Variants in CHRM3 observed in about 807,000 individuals in gnomAD.
The protein encoded by CHRM3 is cholinergic receptor muscarinic 3.
Under a neutral mutation model 41.8 loss-of-function variants are expected in CHRM3, and 11 were observed. That is an observed-to-expected ratio of 0.26 (90% CI 0.17 to 0.44). The LOEUF is 0.44. Among genes scored for constraint, CHRM3 ranks in the 20% least tolerant of loss-of-function variants. The probability of loss-of-function intolerance (pLI) is 1.00; values close to 1 mark genes in which losing one functional copy is unlikely to be tolerated. For missense variants in CHRM3, 571 were observed against 745.4 expected, an observed-to-expected ratio of 0.77 and a Z score of 2.72; for synonymous variants, 297 against 301.4, an observed-to-expected ratio of 0.99 and a Z score of 0.15.
chr1:239,864,585 T>G (rs2149288239), intron 6 of CHRM3, among the ~76,000 whole-genome samples: 1 of 152,082 alleles, frequency 6.6e-6, no homozygotes, highest in Non-Finnish European at 1.5e-5. Context: ...TATATATGTA[T>G]GTATAGAAAT....
At chr1:239,829,019 C>G (rs1672692729) in intron 6 of CHRM3, among the ~76,000 whole-genome samples, 1 of 152,206 alleles carries the variant, frequency 6.6e-6, no homozygotes, top group Non-Finnish European at 1.5e-5. Context: ...CCTGCTGCAG[C>G]AGGTGTGCAG....
chr1:239,908,549 C>A lies in CHRM3; in HGVS notation c.1098C>A (p.Ser366=). Residue 366 remains serine (S), a synonymous_variant, in exon 7 of 7, where the codon TCC becomes TCA. Transcript: ENST00000676153. The surrounding 1 kb of genome is among the most constrained non-coding windows in gnomAD (Gnocchi z 7.2). ...DIGSETRAIY[S]IVLKLPGHST... is the part of the protein sequence containing the mutation. ...GCTCCGAGACGAGAGCCATCTACTC[C>A]ATCGTGCTCAAGCTTCCGGGTCACA... 6.3e-7 allele frequency: 1 copy of A among 1,587,712 alleles called. No homozygotes were observed. The highest frequency in any genetic ancestry group is 8.6e-7 in the Non-Finnish European group (1 of 1,167,130).
chr1:239,832,167 G>T (rs1312913838), intron 6 of CHRM3, among the ~76,000 whole-genome samples: 2 of 152,136 alleles, frequency 1.3e-5, no homozygotes, highest in Non-Finnish European at 2.9e-5. Flanking sequence ...TCCATTGTAC[G>T]GGTGGCACCT....
At chr1:239,501,724 G>A (rs923950692) in intron 2 of CHRM3, among the ~76,000 whole-genome samples, 1 of 152,064 alleles carries the variant, frequency 6.6e-6, no homozygotes, top group Non-Finnish European at 1.5e-5. Flanking sequence ...TGGGTGTGGT[G>A]GTGGGTGCCT....
At chr1:239,820,963 C>A (rs1289722259) in intron 5 of CHRM3, among the ~76,000 whole-genome samples, 8 of 152,076 alleles carry the variant, frequency 5.3e-5, no homozygotes, top group Non-Finnish European at 1.0e-4. Flanking sequence ...AGTGAAATTT[C>A]TTTTTCTTCT....
At position 239,532,009 on chromosome 1, in the gene CHRM3, C is replaced by CTTTT. The variant is rs34798101; in HGVS notation, c.-421-13614_-421-13611dup. On this transcript the variant is annotated intron_variant, in intron 2 of 6. Coordinates refer to ENST00000676153, the MANE Select transcript of CHRM3 (RefSeq NM_001375978.1). ...TATTTCTTTTTTCTTTTCCTTCTTTCTTTTTTTTTTTTTTTTTTTTTGAGA... is the reference window on the plus strand; with the variant it reads ...TATTTCTTTTTTCTTTTCCTTCTTTCTTTTTTTTTTTTTTTTTTTTTTTTTGAGA... Among the ~76,000 whole-genome samples, 562 of 76,288 alleles carry CTTTT rather than the reference C, an allele frequency of 7.4e-3. 1 individual carries two copies. Among genetic ancestry groups the CTTTT allele is most frequent in the East Asian group, 0.012 (29 of 2,378 alleles). 50.0% of individuals were successfully genotyped at this position (76,288 alleles called of 152,430 possible).
rs555643637 is a variant in CHRM3, at chr1:239,618,599, C to T, written c.-312-13625C>T. ...GTGGCTCACGCCTGTAATCCCAGCA[C>T]TTTGGGAGGCCAAGGCGGTCGGATC... On this transcript the variant is annotated intron_variant, in intron 3 of 6. Coordinates refer to ENST00000676153, the MANE Select transcript of CHRM3 (RefSeq NM_001375978.1). Among the ~76,000 whole-genome samples the T allele has an allele frequency of 1.3e-3, 199 of 151,918 alleles. 3 individuals carry two copies. The highest frequency in any genetic ancestry group is 3.7e-3 in the South Asian group (18 of 4,814).
At chr1:239,604,242 A>G (rs965916224) in intron 3 of CHRM3, among the ~76,000 whole-genome samples, 1 of 152,032 alleles carries the variant, frequency 6.6e-6, no homozygotes, top group Non-Finnish European at 1.5e-5. Flanking sequence ...TTGGAAATGT[A>G]ATAAAACTTT....
intron 5 of CHRM3, among the ~76,000 whole-genome samples, chr1:239,710,153 CAAAT>C (rs1489453022): frequency 1.3e-5 from 2 of 152,050 alleles, no homozygotes; most frequent in African/African-American, 2.4e-5. Flanking sequence ...CAATTAAAAA[CAAAT>C]AACAGTCTTT....
Position 239,718,209 on chromosome 1 carries a change from G to A in CHRM3, c.-147+39921G>A, listed in dbSNP as rs565777016. ...TGACAAGCGGTTCATTGAACACTGC[G>A]CAGAAGGTAAATGAAGTGTATATTT... is the stretch of plus-strand genomic sequence containing the variant. On this transcript the variant is annotated intron_variant, in intron 5 of 6. Coordinates refer to ENST00000676153, the MANE Select transcript of CHRM3 (RefSeq NM_001375978.1). 2.1e-4 allele frequency among the ~76,000 whole-genome samples: 32 copies of A among 152,108 alleles called. No individual in the cohort carries two copies. In the South Asian group the frequency reaches 5.6e-3, roughly 27 times the overall value.
At chr1:239,739,100 G>A (rs1664629334) in intron 5 of CHRM3, among the ~76,000 whole-genome samples, 1 of 152,128 alleles carries the variant, frequency 6.6e-6, no homozygotes, top group African/African-American at 2.4e-5. Flanking sequence ...GGACATGATG[G>A]GTGGAGAACA....
chr1:239,532,168 C>T (rs1189812285), intron 2 of CHRM3, among the ~76,000 whole-genome samples: 2 of 148,196 alleles, frequency 1.3e-5, no homozygotes, highest in East Asian at 2.1e-4. Flanking sequence ...GCTGCCACCA[C>T]GCCCGGCTAA....
intron 5 of CHRM3, among the ~76,000 whole-genome samples, chr1:239,710,241 T>C (rs1310634590): frequency 1.3e-5 from 2 of 152,170 alleles, no homozygotes; most frequent in Non-Finnish European, 1.5e-5. Flanking sequence ...ACTGTATGCA[T>C]ATAGATACTC....
chr1:239,908,253 C>T lies in CHRM3; in HGVS notation c.802C>T (p.Leu268=), dbSNP rs1572659606. 1.2e-6 allele frequency: 2 copies of T among 1,614,026 alleles called. No homozygotes were observed. The highest frequency in any genetic ancestry group is 2.7e-5 in the African/African-American group (2 of 74,928). ...AAAGCGTACCAAAGAGCTTGCTGGCCTGCAAGCCTCTGGGACAGAGGCAGA... is the reference window on the plus strand; with the variant it reads ...AAAGCGTACCAAAGAGCTTGCTGGCTTGCAAGCCTCTGGGACAGAGGCAGA... The part of the protein sequence containing the change: ...TEKRTKELAG[L]QASGTEAETE... The change falls in exon 7 of 7, where the codon CTG becomes TTG. Residue 268 remains leucine, a synonymous_variant. Transcript: ENST00000676153. This position sits in a 1 kb window ranked among gnomAD's most constrained non-coding sequence, Gnocchi z 7.2.
chr1:239,406,501 T>C (rs762863921), intron 1 of CHRM3, among the ~76,000 whole-genome samples: 7 of 152,158 alleles, frequency 4.6e-5, no homozygotes, highest in Non-Finnish European at 8.8e-5. Flanking sequence ...ACAAGTCACA[T>C]GCACAGAACA....
chr1:239,566,793 T>G (rs1325358494), intron 3 of CHRM3, among the ~76,000 whole-genome samples: 3 of 152,220 alleles, frequency 2.0e-5, no homozygotes, highest in Non-Finnish European at 4.4e-5. Flanking sequence ...GCGGAGCTGA[T>G]GCAGACAAAG....
intron 5 of CHRM3, among the ~76,000 whole-genome samples, chr1:239,810,846 G>A (rs555778047): frequency 6.6e-6 from 1 of 152,146 alleles, no homozygotes; most frequent in Non-Finnish European, 1.5e-5. Context: ...CCTGTGTTGT[G>A]CCCTGGTAAC....
At chr1:239,682,815 TTG>T (rs1156909089) in intron 5 of CHRM3, among the ~76,000 whole-genome samples, 1 of 152,224 alleles carries the variant, frequency 6.6e-6, no homozygotes, top group Non-Finnish European at 1.5e-5. Context: ...CAAAATTTTT[TTG>T]TATCTGTTAT....
chr1:239,790,706 A>T (rs1204736247), intron 5 of CHRM3, among the ~76,000 whole-genome samples: 4 of 152,224 alleles, frequency 2.6e-5, no homozygotes, highest in African/African-American at 9.6e-5. Context: ...AGAATCACAA[A>T]GCTGTTAGCA....
Sources: allele counts gnomAD v4.1 joint callset (sites outside exome capture counted in the v4.1 genomes callset), GRCh38; gene constraint gnomAD v4.1.1; non-coding constraint Gnocchi (gnomAD v3.1); transcripts MANE v1.5; gene names NCBI Gene and HGNC (gene_info 2026-07-23, HGNC 2026-07-21).